Variants in LCOR observed in about 807,000 individuals in gnomAD.
LCOR encodes ligand dependent nuclear receptor corepressor, also known as ligand-dependent corepressor.
In LCOR, 14 loss-of-function variants were observed where a neutral mutation model predicts 64.4. That is an observed-to-expected ratio of 0.22 (90% confidence interval 0.14 to 0.34). LCOR has a LOEUF of 0.34. LCOR is among the 10% of genes least tolerant of loss of function. The pLI, the probability that LCOR is intolerant of heterozygous loss-of-function variation, is 1.00. For missense variants in LCOR, 1,686 were observed against 1,765.3 expected, an observed-to-expected ratio of 0.96 and a Z score of 0.80; for synonymous variants, 643 against 642.5, an observed-to-expected ratio of 1.00 and a Z score of -0.01.
chr10:96,834,388 A>C (rs762500259), intron 2 of LCOR, among the ~76,000 whole-genome samples: 1 of 152,190 alleles, frequency 6.6e-6, no homozygotes, highest in Admixed American at 6.5e-5. Context: ...TCCAGGAAAC[A>C]AACAGCCTTT....
chr10:96,885,871 G>T (rs1846334625), intron 2 of LCOR, among the ~76,000 whole-genome samples: 1 of 151,890 alleles, frequency 6.6e-6, no homozygotes, highest in Non-Finnish European at 1.5e-5. Context: ...AATATTTCTT[G>T]ATATGTTTCC....
intron 2 of LCOR, among the ~76,000 whole-genome samples, chr10:96,838,127 C>CTT (rs1308291948): frequency 1.3e-5 from 2 of 152,124 alleles, no homozygotes; most frequent in African/African-American, 2.4e-5. Flanking sequence ...ATTGACCATT[C>CTT]TTGTATTCAG....
intron 4 of LCOR, among the ~76,000 whole-genome samples, chr10:96,933,955 T>TG (rs1469190083): frequency 1.3e-5 from 2 of 152,254 alleles, no homozygotes; most frequent in African/African-American, 4.8e-5. Flanking sequence ...TCTAGTTTCT[T>TG]GAAGTTCCAT....
chr10:96,962,547 G>A (rs1202111022), intron 7 of LCOR: 1 of 152,074 alleles, frequency 6.6e-6, no homozygotes, highest in Non-Finnish European at 1.5e-5. Context: ...GTAAGTTTAA[G>A]GAATTTTAGT....
At chr10:96,967,077 T>C (rs1847958793) in intron 7 of LCOR, among the ~76,000 whole-genome samples, 1 of 152,230 alleles carries the variant, frequency 6.6e-6, no homozygotes, top group African/African-American at 2.4e-5. Flanking sequence ...TACTACTGTT[T>C]CTTGACTAGT....
intron 4 of LCOR, among the ~76,000 whole-genome samples, chr10:96,919,151 C>T (rs887960002): frequency 2.6e-5 from 4 of 152,090 alleles, no homozygotes; most frequent in African/African-American, 4.8e-5. Context: ...AATCTGTTTT[C>T]GATAGCTTGC....
chr10:96,917,562 CTAGAAGT>C (rs1846975803), intron 4 of LCOR, among the ~76,000 whole-genome samples: 1 of 152,120 alleles, frequency 6.6e-6, no homozygotes, highest in Admixed American at 6.5e-5. Context: ...GTTGCTTAAT[CTAGAAGT>C]TAGAACTCAA....
chr10:96,981,127 C>T lies in LCOR; in HGVS notation c.667C>T (p.Pro223Ser), dbSNP rs1848080778. The change falls in exon 8 of 8, where the codon CCG becomes TCG. Residue 223 changes from proline (P) to serine (S), a missense_variant. Physicochemically the swap from Pro to Ser is moderately conservative, Grantham distance 74. This residue lies in a region of LCOR where 313 missense variants were observed against 247.2 expected (regional missense o/e 1.27). Transcript: ENST00000421806. The part of the protein sequence containing the change: ...HSPLHLTEQT[P>S]KKPPPEINPV... Reference sequence around the variant, plus strand: ...CCCTCTACACTTGACGGAACAGACCCCGAAGAAGCCTCCTCCTGAGATAAA... The same window carrying T: ...CCCTCTACACTTGACGGAACAGACCTCGAAGAAGCCTCCTCCTGAGATAAA... 2.8e-6 allele frequency: 2 copies of T among 704,478 alleles called. No homozygotes were observed. Among genetic ancestry groups the T allele is most frequent in the South Asian group, 1.5e-5 (1 of 67,624 alleles). The allele number at this position is 704,478 out of a possible 1,614,324, so 43.6% of individuals were successfully genotyped here. A position where few individuals can be genotyped will look rare whatever the true frequency, so the allele number is the denominator to read the frequency against.
At chr10:96,976,690 A>G (rs1426806301) in intron 7 of LCOR, among the ~76,000 whole-genome samples, 2 of 152,226 alleles carry the variant, frequency 1.3e-5, no homozygotes, top group Non-Finnish European at 2.9e-5. Flanking sequence ...TGTGAACTAA[A>G]TTATTACTCA....
In LCOR at chr10:96,983,104, G is replaced by A; in HGVS notation, c.2644G>A (p.Asp882Asn). The change falls in exon 8 of 8, where the codon GAC becomes AAC. Residue 882 changes from aspartate (D) to asparagine (N), a missense_variant. Around this residue, in one of 3 missense-constraint regions of LCOR, gnomAD observed 1,293 missense variants for 1,410.4 expected, o/e 0.92. Transcript: ENST00000421806. This position sits in a 1 kb window ranked among gnomAD's most constrained non-coding sequence, Gnocchi z 4.5. ...CAGTTTCCACACGGAAACTCTGGAGGACACAGAAAAGCCAAGTGTCAATGA... is the reference window on the plus strand; with the variant it reads ...CAGTTTCCACACGGAAACTCTGGAGAACACAGAAAAGCCAAGTGTCAATGA... ...PDSFHTETLE[D>N]TEKPSVNERP... is the part of the protein sequence containing the mutation. 1.2e-6 allele frequency: 2 copies of A among 1,613,672 alleles called. No individual in the cohort carries two copies. Among genetic ancestry groups the A allele is most frequent in the Non-Finnish European group, 1.7e-6 (2 of 1,179,662 alleles).
At chr10:96,965,549 C>T (rs1408292786) in intron 7 of LCOR, among the ~76,000 whole-genome samples, 1 of 149,566 alleles carries the variant, frequency 6.7e-6, no homozygotes, top group Non-Finnish European at 1.5e-5. Context: ...GTAGTCCCAG[C>T]TACTCGGGAG....
intron 2 of LCOR, among the ~76,000 whole-genome samples, chr10:96,870,840 T>G (rs901777874): frequency 1.3e-5 from 2 of 152,196 alleles, no homozygotes; most frequent in Non-Finnish European, 2.9e-5. Context: ...GAGCTAGAGA[T>G]GTACAAAAGC....
At chr10:96,920,729 C>G (rs560713099) in intron 4 of LCOR, among the ~76,000 whole-genome samples, 1 of 78,686 alleles carries the variant, frequency 1.3e-5, no homozygotes, top group Non-Finnish European at 2.1e-5. Context: ...TATATATGTT[C>G]ATATATATGT....
chr10:96,871,121 A>G (rs1255978755), intron 2 of LCOR, among the ~76,000 whole-genome samples: 1 of 152,044 alleles, frequency 6.6e-6, no homozygotes, highest in East Asian at 1.9e-4. Context: ...CAGTGGTATG[A>G]TCATAGCTCA....
At chr10:96,914,979 GAGA>G (rs1394543928) in intron 4 of LCOR, among the ~76,000 whole-genome samples, 3 of 152,180 alleles carry the variant, frequency 2.0e-5, no homozygotes, top group African/African-American at 7.2e-5. Flanking sequence ...GGTGGAAAGG[GAGA>G]AGAAGACATA....
chr10:96,836,128 A>G (rs1049258127), intron 2 of LCOR, among the ~76,000 whole-genome samples: 11 of 152,196 alleles, frequency 7.2e-5, no homozygotes, highest in African/African-American at 2.7e-4. Context: ...ACTTTCAGAA[A>G]GTTATTTCAG....
intron 2 of LCOR, among the ~76,000 whole-genome samples, chr10:96,846,762 C>G (rs1339434185): frequency 1.3e-5 from 2 of 152,156 alleles, no homozygotes; most frequent in Non-Finnish European, 2.9e-5. Context: ...CATACATCTA[C>G]TGAAAACAGT....
rs763384590 is a variant in LCOR at position 96,983,043 on chromosome 10, C to T, written c.2583C>T (p.His861=). 3 of 1,613,824 alleles carry T rather than the reference C, an allele frequency of 1.9e-6. No homozygotes were observed. The highest frequency in any genetic ancestry group is 2.5e-6 in the Non-Finnish European group (3 of 1,179,968). Residue 861 remains histidine, a synonymous_variant, in exon 8 of 8, where the codon CAC becomes CAT. Coordinates refer to ENST00000421806, the MANE Select transcript of LCOR (RefSeq NM_001346516.2). This position sits in a 1 kb window ranked among gnomAD's most constrained non-coding sequence, Gnocchi z 4.5. ...PSAKRSKKEG[H]PGGTTPKGLL... ...CAAAACGTTCAAAAAAAGAAGGGCA[C>T]CCTGGTGGGACAACACCTAAGGGCC...
chr10:96,837,282 G>A (rs1298333647), intron 2 of LCOR, among the ~76,000 whole-genome samples: 5 of 151,700 alleles, frequency 3.3e-5, no homozygotes, highest in Non-Finnish European at 5.9e-5. Context: ...GAGCCACTGC[G>A]TCCCTCTATG....
Sources: gnomAD v4.1 joint callset for allele counts (sites outside exome capture counted in the v4.1 genomes callset) on GRCh38, gnomAD v4.1.1 for gene constraint, gnomAD v4.1.1 regional missense constraint, Gnocchi (gnomAD v3.1) non-coding constraint, MANE v1.5 for transcripts, NCBI Gene and HGNC (gene_info 2026-07-23, HGNC 2026-07-21) for gene names.